Variants in CKAP2 observed in about 807,000 individuals in gnomAD.
CKAP2 encodes cytoskeleton associated protein 2.
CKAP2 carries 46 observed loss-of-function variants against 58.4 expected under a neutral mutation model. The ratio of observed to expected loss-of-function variants is 0.79; its 90% CI spans 0.62 to 1.01. The LOEUF (loss-of-function observed/expected upper bound fraction) is 1.01. CKAP2 is among the 50% of genes least tolerant of loss of function. The pLI is 0.00. For synonymous variants in CKAP2, 293 were observed against 280.9 expected, an observed-to-expected ratio of 1.04 and a Z score of -0.43; for missense variants, 809 against 796.4, an observed-to-expected ratio of 1.02 and a Z score of -0.19.
chr13:52,469,599 T>TTA (rs1958732066), intron 7 of CKAP2, among the ~76,000 whole-genome samples: 1 of 138,248 alleles, frequency 7.2e-6, no homozygotes, highest in South Asian at 2.3e-4. Flanking sequence ...ATTTATTTAT[T>TTA]TTTTTTTTGA....
chr13:52,473,864 G>T lies in CKAP2; in HGVS notation c.1582G>T (p.Glu528Ter), dbSNP rs1958791548. ...NMEKSCASKE[E>*]VKEVSIEDTG... Reference sequence around the variant, plus strand: ...GGAGAAGTCTTGTGCAAGCAAGGAAGAAGTCAAAGAAGTCAGTATTGAAGA... The same window carrying T: ...GGAGAAGTCTTGTGCAAGCAAGGAATAAGTCAAAGAAGTCAGTATTGAAGA... Residue 528 changes from glutamate (E) to a stop codon, truncating the protein, a stop_gained, in exon 8 of 9, where the codon GAA becomes TAA. Transcript: ENST00000258607. LOFTEE classifies it high-confidence loss of function. 6.2e-7 allele frequency: 1 copy of T among 1,612,296 alleles called. No homozygotes were observed. The highest frequency in any genetic ancestry group is 8.5e-7 in the Non-Finnish European group (1 of 1,179,214).
Position 52,465,291 on chromosome 13 carries a change from T to A in CKAP2, c.1306-4T>A. On this transcript the variant is annotated splice_region_variant and splice_polypyrimidine_tract_variant and intron_variant, in intron 5 of 8. Coordinates refer to ENST00000258607, the MANE Select transcript of CKAP2 (RefSeq NM_018204.5). ...ATTACACACATTTTTTCTTGCTTTT[T>A]TAGGGATGTCCAAAAGAAGATATAC... 1 of 1,599,478 alleles carries A rather than the reference T, an allele frequency of 6.3e-7. No homozygotes were observed. The highest frequency in any genetic ancestry group is 8.5e-7 in the Non-Finnish European group (1 of 1,175,750).
intron 7 of CKAP2, 120 bp downstream of exon 7, chr13:52,468,467 T>G: frequency 1.7e-6 from 1 of 604,634 alleles, no homozygotes; most frequent in East Asian, 2.8e-5. Context: ...GTTACAAAGG[T>G]AAATGTGTGT....
intron 2 of CKAP2, among the ~76,000 whole-genome samples, chr13:52,458,325 G>T (rs1239124873): frequency 6.6e-6 from 1 of 151,570 alleles, no homozygotes; most frequent in Admixed American, 6.6e-5. Context: ...CAGGGGAGGG[G>T]TTGGGGCTGG....
intron 5 of CKAP2, among the ~76,000 whole-genome samples, chr13:52,463,826 A>G (rs1471226703): frequency 6.6e-6 from 1 of 152,168 alleles, no homozygotes; most frequent in Non-Finnish European, 1.5e-5. Context: ...ATAAAGGGAC[A>G]TGATTTCTTT....
At chr13:52,473,667 T>C (rs1167490827) in intron 7 of CKAP2, 162 bp from the exon 8 acceptor site, 3 of 575,664 alleles carry the variant, frequency 5.2e-6, no homozygotes, top group Admixed American at 6.3e-5. Context: ...GTATTTGTTA[T>C]ATAGTTGGCA....
At chr13:52,469,666 G>A (rs1446564422) in intron 7 of CKAP2, among the ~76,000 whole-genome samples, 5 of 146,724 alleles carry the variant, frequency 3.4e-5, no homozygotes, top group Non-Finnish European at 6.0e-5. Context: ...GCGCAATCTC[G>A]GCTCACTGCA....
rs1173553046 is a variant in CKAP2 at position 52,475,759 on chromosome 13, C to G, written c.*618C>G. ...TGCACTGACACTTTTCGTCAGTAGT[C>G]TGTAGTTTCGTGGCCTCTTTTGATT... On this transcript the variant is annotated 3_prime_UTR_variant, in exon 9 of 9. Coordinates refer to ENST00000258607, the MANE Select transcript of CKAP2 (RefSeq NM_018204.5). 1 of 152,150 alleles carries G rather than the reference C, an allele frequency of 6.6e-6. No individual in the cohort carries two copies. The highest frequency in any genetic ancestry group is 1.5e-5 in the Non-Finnish European group (1 of 68,036). The allele number at this position is 152,150 out of a possible 1,614,324, so 9.4% of individuals were successfully genotyped here.
In CKAP2 at chr13:52,475,228, G is replaced by A; in HGVS notation, c.*87G>A. 2 of 1,505,284 alleles carry A rather than the reference G, an allele frequency of 1.3e-6. No individual in the cohort carries two copies. Among genetic ancestry groups the A allele is most frequent in the East Asian group, 2.3e-5 (1 of 44,120 alleles). 93.2% of individuals were successfully genotyped at this position (1,505,284 alleles called of 1,614,324 possible). A position where few individuals can be genotyped will look rare whatever the true frequency, so the allele number is the denominator to read the frequency against. On this transcript the variant is annotated 3_prime_UTR_variant, in exon 9 of 9. Coordinates refer to ENST00000258607, the MANE Select transcript of CKAP2 (RefSeq NM_018204.5). ...TAGCTTTATATTGCTCTTAGGTCTG[G>A]AGTTGGCCATGTACCTATGTATCCT...
At position 52,461,401 on chromosome 13, in the gene CKAP2, A is replaced by G. The variant is rs751040419; in HGVS notation, c.575A>G (p.Lys192Arg). 6.2e-7 allele frequency: 1 copy of G among 1,614,120 alleles called. No homozygotes were observed. The highest frequency in any genetic ancestry group is 1.7e-5 in the Admixed American group (1 of 60,010). The change falls in exon 4 of 9, where the codon AAA (lysine) becomes AGA (arginine). Residue 192 changes from lysine to arginine, a missense_variant. This residue lies in a region of CKAP2 where 523 missense variants were observed against 492.4 expected (regional missense o/e 1.06). Coordinates refer to ENST00000258607, the MANE Select transcript of CKAP2 (RefSeq NM_018204.5). ...CAGTCTAAGATTAATTCATTTAGAA[A>G]ACCTCTACAAGTCAAAGATGAGAGT... is the stretch of plus-strand genomic sequence containing the variant. The part of the protein sequence containing the change: ...IVQSKINSFR[K>R]PLQVKDESSA...
rs887887706 is a variant in CKAP2 at position 52,476,478 on chromosome 13, G to A, written c.*1337G>A. 1 of 152,114 alleles carries A rather than the reference G, an allele frequency of 6.6e-6. No individual in the cohort carries two copies. Among genetic ancestry groups the A allele is most frequent in the East Asian group, 1.9e-4 (1 of 5,202 alleles). 9.4% of individuals were successfully genotyped at this position (152,114 alleles called of 1,614,324 possible). On this transcript the variant is annotated 3_prime_UTR_variant, in exon 9 of 9. Coordinates refer to ENST00000258607, the MANE Select transcript of CKAP2 (RefSeq NM_018204.5). The stretch of plus-strand genomic sequence containing the variant: ...TGAGGTTTTTGACACTTAAGTACAT[G>A]CTTAATGATATATTTTCAAAAGTCA...
At chr13:52,465,577 T>A in intron 6 of CKAP2, 112 bp downstream of exon 6, 1 of 890,126 alleles carries the variant, frequency 1.1e-6, no homozygotes, top group Non-Finnish European at 1.8e-6. Flanking sequence ...TATGTAGTGG[T>A]AATAAATGTT....
intron 4 of CKAP2, 98 bp from the exon 5 acceptor site, chr13:52,462,265 G>A (rs1958597654): frequency 9.2e-7 from 1 of 1,081,648 alleles, no homozygotes; most frequent in Non-Finnish European, 1.3e-6. Flanking sequence ...TGCCATTAAA[G>A]TAAGATTACT....
chr13:52,457,134 A>G (rs1958499142), intron 2 of CKAP2, among the ~76,000 whole-genome samples: 1 of 152,064 alleles, frequency 6.6e-6, no homozygotes, highest in African/African-American at 2.4e-5. Context: ...TGACCTTGAG[A>G]TCCGCCCACC....
At position 52,473,965 on chromosome 13, in the gene CKAP2, T is replaced by TG; in HGVS notation, c.1684dup (p.Glu562GlyfsTer14). 1.2e-6 allele frequency: 2 copies of TG among 1,614,014 alleles called. No individual in the cohort carries two copies. The highest frequency in any genetic ancestry group is 1.7e-6 in the Non-Finnish European group (2 of 1,179,988). On this transcript the variant is annotated frameshift_variant, in exon 8 of 9. Coordinates refer to ENST00000258607, the MANE Select transcript of CKAP2 (RefSeq NM_018204.5). LOFTEE classifies it high-confidence loss of function. ...ATAGAAATTTGCTATTTCAAGATTG[T>TG]GAAAAAGAGCAAGACAACAAAACAA...
intron 4 of CKAP2, 56 bp downstream of exon 4, chr13:52,461,982 G>C: frequency 7.0e-7 from 1 of 1,423,666 alleles, no homozygotes; most frequent in Non-Finnish European, 9.4e-7. Context: ...ACTGTTTGTA[G>C]ATTTGGATTA....
intron 5 of CKAP2, among the ~76,000 whole-genome samples, chr13:52,464,190 T>A (rs1399184322): frequency 1.3e-5 from 2 of 152,138 alleles, no homozygotes; most frequent in African/African-American, 2.4e-5. Context: ...TACCAAAGAC[T>A]AGCAACACAA....
Position 52,456,490 on chromosome 13 carries a change from T to C in CKAP2, c.71-33T>C, listed in dbSNP as rs1396512867. 4 of 1,462,742 alleles carry C rather than the reference T, an allele frequency of 2.7e-6. No homozygotes were observed. The Admixed American group carries it at 7.4e-5, about 27-fold the overall frequency. 90.6% of individuals were successfully genotyped at this position (1,462,742 alleles called of 1,614,324 possible). ...TTGCCGTTATCGATGTTTTAACTAA[T>C]ATTGACTTGTAGCTCTTACCTTTGT... On this transcript the variant is annotated intron_variant, in intron 1 of 8. Coordinates refer to ENST00000258607, the MANE Select transcript of CKAP2 (RefSeq NM_018204.5).
chr13:52,475,014 TA>T lies in CKAP2; in HGVS notation c.1926del (p.Asp643IlefsTer12). 6.2e-7 allele frequency: 1 copy of T among 1,614,238 alleles called. No homozygotes were observed. Among genetic ancestry groups the T allele is most frequent in the Non-Finnish European group, 8.5e-7 (1 of 1,180,040 alleles). ...QEKTSKLPDM[L>X]KDHYPCVSSL... ...AAAACTTCTAAATTGCCAGATATGTTAAAAGATCATTATCCTTGTGTGTCTT... is the reference window on the plus strand; with the variant it reads ...AAAACTTCTAAATTGCCAGATATGTTAAAGATCATTATCCTTGTGTGTCTT... On this transcript the variant is annotated frameshift_variant, in exon 9 of 9. Coordinates refer to ENST00000258607, the MANE Select transcript of CKAP2 (RefSeq NM_018204.5). LOFTEE classifies it low-confidence loss of function (END_TRUNC).
Sources: gnomAD v4.1 joint callset for allele counts (sites outside exome capture counted in the v4.1 genomes callset) on GRCh38, gnomAD v4.1.1 for gene constraint, gnomAD v4.1.1 regional missense constraint, MANE v1.5 for transcripts, NCBI Gene and HGNC (gene_info 2026-07-23, HGNC 2026-07-21) for gene names.